AK9: variants seen among roughly 807,000 people sequenced by gnomAD.
AK9 encodes adenylate kinase domain containing 1.
A neutral mutation model predicts 239.6 loss-of-function variants in AK9; 191 were observed. That is an observed-to-expected ratio of 0.80 (90% confidence interval 0.71 to 0.90). The LOEUF is 0.90. AK9 is among the 40% of genes least tolerant of loss of function. AK9 has a pLI of 0.00. For synonymous variants in AK9, 689 were observed against 721.0 expected (o/e 0.96, Z 0.71); for missense variants, 1,995 against 2,214.7 (o/e 0.90, Z 1.99).
intron 28 of AK9, 29 bp from the exon 29 acceptor site, chr6:109,529,102 G>T (rs777124509): frequency 6.5e-7 from 1 of 1,529,736 alleles, no homozygotes; most frequent in South Asian, 1.3e-5. Flanking sequence ...TTAAAAAATT[G>T]TAATGGAGAA....
chr6:109,648,682 T>A (rs532509372), intron 8 of AK9, among the ~76,000 whole-genome samples: 1 of 152,196 alleles, frequency 6.6e-6, no homozygotes, highest in Non-Finnish European at 1.5e-5. Flanking sequence ...GCTGGTACCA[T>A]TCCTTCTGAA....
intron 33 of AK9, among the ~76,000 whole-genome samples, chr6:109,507,747 C>T (rs1241804875): frequency 6.6e-6 from 1 of 152,146 alleles, no homozygotes; most frequent in African/African-American, 2.4e-5. Context: ...CTAAATACGG[C>T]CATACGTCTA....
At chr6:109,657,431 G>A (rs1799836753) in intron 7 of AK9, among the ~76,000 whole-genome samples, 1 of 152,128 alleles carries the variant, frequency 6.6e-6, no homozygotes. Context: ...TGGATGAAGA[G>A]TGGTAGGAGA....
At chr6:109,648,139 C>A (rs373208996) in intron 8 of AK9, among the ~76,000 whole-genome samples, 2 of 151,966 alleles carry the variant, frequency 1.3e-5, no homozygotes, top group African/African-American at 4.8e-5. Context: ...AGAAAGCAGG[C>A]AAGATCTAAA....
At chr6:109,498,022 C>T in intron 36 of AK9, 57 bp from the exon 37 acceptor site, 1 of 1,573,958 alleles carries the variant, frequency 6.4e-7, no homozygotes, top group Admixed American at 1.7e-5. Context: ...CTATGCCAAT[C>T]AGAAGGCCAC....
At chr6:109,516,889 T>C (rs1004980323) in intron 29 of AK9, among the ~76,000 whole-genome samples, 15 of 152,354 alleles carry the variant, frequency 9.8e-5, no homozygotes, top group Admixed American at 9.8e-4. Context: ...TTTCTTCTAA[T>C]TATTTTTGAA....
At chr6:109,501,578 T>C (rs775657553) in intron 35 of AK9, among the ~76,000 whole-genome samples, 3 of 152,218 alleles carry the variant, frequency 2.0e-5, no homozygotes, top group Non-Finnish European at 4.4e-5. Context: ...GCTTATTGGC[T>C]CTCATCCTCT....
intron 8 of AK9, among the ~76,000 whole-genome samples, chr6:109,649,930 G>A (rs1192900580): frequency 3.3e-5 from 5 of 151,736 alleles, no homozygotes; most frequent in South Asian, 2.1e-4. Flanking sequence ...AAATAATGCC[G>A]CAGATCTACA....
chr6:109,532,646 A>G lies in AK9; in HGVS notation c.3570+605T>C, dbSNP rs113703291. The stretch of plus-strand genomic sequence containing the variant: ...AGGATATACCACCTTTTATTTTTCT[A>G]TTCATCAGCTGATGATTTGGGTTGT... On this transcript the variant is annotated intron_variant, in intron 28 of 40. Transcript: ENST00000424296. Among the ~76,000 whole-genome samples the G allele has an allele frequency of 2.2e-4, 33 of 152,226 alleles. No homozygotes were observed. In the East Asian group the frequency reaches 5.4e-3, roughly 25 times the overall value.
In AK9 at chr6:109,509,233, A is replaced by G; in HGVS notation, c.4427T>C (p.Leu1476Pro). The G allele has an allele frequency of 1.3e-6, 2 of 1,552,174 alleles. No homozygotes were observed. The highest frequency in any genetic ancestry group is 1.7e-6 in the Non-Finnish European group (2 of 1,147,092). Residue 1476 changes from leucine to proline, a missense_variant, in exon 33 of 41, where the codon CTG (leucine) becomes CCG (proline). Physicochemically the swap from Leu to Pro is moderately conservative, Grantham distance 98. Around this residue, in one of 5 missense-constraint regions of AK9, gnomAD observed 45 missense variants for 80.5 expected, o/e 0.56. Coordinates refer to ENST00000424296, the MANE Select transcript of AK9 (RefSeq NM_001145128.3). ...AGAAAGTTCTAAGGCTTGAATAGCC[A>G]GTTCATCAGGTGCTGTCATTCCTTT... Reference protein sequence around the residue: ...LHKGMTAPDELAIQALELSLM... With the variant: ...LHKGMTAPDEPAIQALELSLM...
intron 17 of AK9, among the ~76,000 whole-genome samples, chr6:109,608,928 A>G (rs1287680848): frequency 2.6e-5 from 4 of 152,194 alleles, no homozygotes; most frequent in Admixed American, 6.5e-5. Context: ...CCCATCTCAA[A>G]GGAGCATATC....
At chr6:109,511,228 A>C (rs1045540018) in intron 32 of AK9, among the ~76,000 whole-genome samples, 1 of 152,130 alleles carries the variant, frequency 6.6e-6, no homozygotes, top group African/African-American at 2.4e-5. Flanking sequence ...GAATTGTATC[A>C]TTCCCCTTTC....
intron 17 of AK9, among the ~76,000 whole-genome samples, chr6:109,608,550 AT>A (rs1261539017): frequency 1.3e-5 from 2 of 152,120 alleles, no homozygotes; most frequent in African/African-American, 4.8e-5. Flanking sequence ...CCATTTGAAT[AT>A]TGTTTTTGAT....
rs113972592 is a variant in AK9, at chr6:109,555,424, C to G, written c.2752-5122G>C. ...TCTGCATTTGCTGAGGAGTGTTTTA[C>G]TTCCAATTATGTGTTTGATTTTAAA... On this transcript the variant is annotated intron_variant, in intron 24 of 40. Coordinates refer to ENST00000424296, the MANE Select transcript of AK9 (RefSeq NM_001145128.3). Among the ~76,000 whole-genome samples, 956 of 152,186 alleles carry G rather than the reference C, an allele frequency of 6.3e-3. 16 individuals carry two copies. Among genetic ancestry groups the G allele is most frequent in the African/African-American group, 0.022 (909 of 41,524 alleles).
At chr6:109,518,346 A>G (rs1432365346) in intron 29 of AK9, among the ~76,000 whole-genome samples, 2 of 151,876 alleles carry the variant, frequency 1.3e-5, no homozygotes, top group East Asian at 1.9e-4. Flanking sequence ...TATCTTGTCA[A>G]TTTTCTATCC....
intron 22 of AK9, among the ~76,000 whole-genome samples, 183 bp from the exon 23 acceptor site, chr6:109,564,463 T>C (rs1331375898): frequency 6.6e-6 from 1 of 152,230 alleles, no homozygotes; most frequent in Non-Finnish European, 1.5e-5. Flanking sequence ...TTGCTGTAGA[T>C]ATATATTTAC....
intron 16 of AK9, 51 bp from the exon 17 acceptor site, chr6:109,610,564 A>G (rs2128238937): frequency 6.7e-7 from 1 of 1,488,040 alleles, no homozygotes; most frequent in East Asian, 2.5e-5. Context: ...TTTAGTGGAC[A>G]ATACTACTTG....
At chr6:109,670,448 G>A (rs1770686187) in intron 5 of AK9, among the ~76,000 whole-genome samples, 1 of 152,070 alleles carries the variant, frequency 6.6e-6, no homozygotes, top group Non-Finnish European at 1.5e-5. Context: ...GATTAGACTA[G>A]AGTTGGTTTT....
chr6:109,659,499 C>A, intron 6 of AK9, 86 bp from the exon 7 acceptor site: 2 of 1,432,488 alleles, frequency 1.4e-6, no homozygotes, highest in Admixed American at 5.9e-5. Flanking sequence ...TTGTACAGTA[C>A]ATAAACCAAA....
Sources: gnomAD v4.1 joint callset for allele counts (sites outside exome capture counted in the v4.1 genomes callset) on GRCh38, gnomAD v4.1.1 for gene constraint, gnomAD v4.1.1 regional missense constraint, MANE v1.5 for transcripts, NCBI Gene and HGNC (gene_info 2026-07-23, HGNC 2026-07-21) for gene names.